Variants in COL21A1 observed in about 807,000 individuals in gnomAD.
COL21A1 encodes the protein collagen alpha-1(XXI) chain.
In COL21A1, 149 loss-of-function variants were observed where a neutral mutation model predicts 137.9. The ratio of observed to expected loss-of-function variants is 1.08; its 90% confidence interval spans 0.95 to 1.24. The LOEUF is 1.24. COL21A1 is among the 50% of genes most tolerant of loss of function. The pLI, the probability that COL21A1 is intolerant of heterozygous loss-of-function variation, is 0.00. For missense variants in COL21A1, 1,167 were observed against 1,158.4 expected, an observed-to-expected ratio of 1.01 and a Z score of -0.11; for synonymous variants, 456 against 391.5, an observed-to-expected ratio of 1.16 and a Z score of -1.95.
intron 9 of COL21A1, among the ~76,000 whole-genome samples, chr6:56,163,535 C>A (rs924109745): frequency 6.6e-6 from 1 of 152,016 alleles, no homozygotes; most frequent in African/African-American, 2.4e-5. Context: ...ACGGTGAAAC[C>A]CCGTCTCTAC....
intron 1 of COL21A1, among the ~76,000 whole-genome samples, chr6:56,311,797 C>T (rs1197675372): frequency 6.6e-6 from 1 of 152,176 alleles, no homozygotes; most frequent in Admixed American, 6.5e-5. Flanking sequence ...GGCAGATATA[C>T]ATGAAACTAC....
chr6:56,106,670 T>A (rs2152178413), intron 16 of COL21A1, among the ~76,000 whole-genome samples: 1 of 152,272 alleles, frequency 6.6e-6, no homozygotes, highest in African/African-American at 2.4e-5. Flanking sequence ...TGGCAGATAA[T>A]ATCCAAAACA....
chr6:56,202,641 C>G (rs909101456), intron 1 of COL21A1, among the ~76,000 whole-genome samples: 3 of 152,166 alleles, frequency 2.0e-5, no homozygotes, highest in African/African-American at 7.2e-5. Context: ...ATCACATCCC[C>G]ATCTAATTTA....
At chr6:56,097,894 AATATATAAATATATAAAT>A (rs1562188470) in intron 17 of COL21A1, among the ~76,000 whole-genome samples, 1 of 88,862 alleles carries the variant, frequency 1.1e-5, no homozygotes, top group Non-Finnish European at 2.1e-5. Context: ...AATATATATA[AATATATAAATATATAAAT>A]ATATATAAAT....
At chr6:56,099,340 T>C (rs1307082156) in intron 17 of COL21A1, among the ~76,000 whole-genome samples, 1 of 150,148 alleles carries the variant, frequency 6.7e-6, no homozygotes, top group African/African-American at 2.5e-5. Flanking sequence ...TTCACACCAT[T>C]CTCCGGCCTC....
chr6:56,189,080 T>G (rs2397206), intron 1 of COL21A1, among the ~76,000 whole-genome samples: 8 of 151,896 alleles, frequency 5.3e-5, no homozygotes, highest in Non-Finnish European at 1.2e-4. Flanking sequence ...ATCACAACTC[T>G]TCTCCAGCAA....
chr6:56,180,846 C>A (rs567883544), intron 2 of COL21A1, among the ~76,000 whole-genome samples: 1 of 152,188 alleles, frequency 6.6e-6, no homozygotes, highest in Non-Finnish European at 1.5e-5. Flanking sequence ...TTCTTTTCTG[C>A]GCATTCTGTT....
rs191617495 is a variant in COL21A1 at position 56,179,751 on chromosome 6, T to A, written c.467A>T (p.Gln156Leu). Residue 156 changes from glutamine to leucine, a missense_variant, in exon 3 of 30, where the codon CAA becomes CTA. Transcript: ENST00000244728. ...TGTTATCTTACTATCTCTTGCTGCT[T>A]GAGCTGCATCCTTGACGTCATCTTG... ...KSQDDVKDAA[Q>L]AARDSKITLF... 38 of 1,613,926 alleles carry A rather than the reference T, an allele frequency of 2.4e-5. No individual in the cohort carries two copies. In the East Asian group the frequency reaches 8.5e-4, roughly 36 times the overall value.
At chr6:56,330,806 G>A (rs572467623) in intron 1 of COL21A1, among the ~76,000 whole-genome samples, 1 of 152,118 alleles carries the variant, frequency 6.6e-6, no homozygotes, top group Non-Finnish European at 1.5e-5. Flanking sequence ...ATTTTTCTTT[G>A]GGTAGATACC....
intron 1 of COL21A1, among the ~76,000 whole-genome samples, chr6:56,273,462 A>G (rs577626705): frequency 6.6e-5 from 10 of 152,210 alleles, no homozygotes; most frequent in Non-Finnish European, 1.5e-4. Flanking sequence ...AGAATAAACA[A>G]AATTGATAGA....
chr6:56,143,960 A>C (rs1774636572), intron 10 of COL21A1, among the ~76,000 whole-genome samples: 1 of 152,192 alleles, frequency 6.6e-6, no homozygotes, highest in Admixed American at 6.5e-5. Context: ...GAAAATGGAA[A>C]CGTTTAGTAA....
intron 12 of COL21A1, among the ~76,000 whole-genome samples, chr6:56,131,069 G>C (rs980429122): frequency 2.6e-5 from 4 of 152,050 alleles, no homozygotes; most frequent in African/African-American, 4.8e-5. Flanking sequence ...TGGAATATTA[G>C]AAATAGGAGG....
At chr6:56,281,959 T>G (rs1206079804) in intron 1 of COL21A1, among the ~76,000 whole-genome samples, 3 of 152,102 alleles carry the variant, frequency 2.0e-5, no homozygotes, top group Non-Finnish European at 2.9e-5. Context: ...CTTAGGAAAT[T>G]TTTGTCAATA....
At chr6:56,381,672 A>G (rs2094008900) in intron 1 of COL21A1, among the ~76,000 whole-genome samples, 1 of 152,218 alleles carries the variant, frequency 6.6e-6, no homozygotes, top group Non-Finnish European at 1.5e-5. Context: ...TTTAACAATT[A>G]TATAAAACTT....
At chr6:56,311,390 T>G (rs560289534) in intron 1 of COL21A1, among the ~76,000 whole-genome samples, 2 of 152,232 alleles carry the variant, frequency 1.3e-5, no homozygotes, top group Non-Finnish European at 2.9e-5. Context: ...ATTATTGTAA[T>G]GTGTGCTCCA....
intron 9 of COL21A1, among the ~76,000 whole-genome samples, chr6:56,159,334 A>AC: frequency 7.3e-6 from 1 of 137,148 alleles, no homozygotes; most frequent in South Asian, 2.3e-4. Context: ...TCTGAATTAC[A>AC]TTTTTTTTTT....
chr6:56,314,131 C>T (rs187877675), intron 1 of COL21A1, among the ~76,000 whole-genome samples: 6 of 152,134 alleles, frequency 3.9e-5, no homozygotes, highest in Admixed American at 6.5e-5. Flanking sequence ...ACTACAGGCA[C>T]GCACCACCAC....
intron 1 of COL21A1, among the ~76,000 whole-genome samples, chr6:56,278,658 C>T (rs1358768489): frequency 6.6e-6 from 1 of 152,154 alleles, no homozygotes; most frequent in Non-Finnish European, 1.5e-5. Flanking sequence ...TCACTGATCT[C>T]TAGAACAACT....
intron 10 of COL21A1, among the ~76,000 whole-genome samples, chr6:56,144,358 T>A (rs1011718796): frequency 6.6e-6 from 1 of 152,174 alleles, no homozygotes; most frequent in Admixed American, 6.5e-5. Context: ...CTCAACTGAT[T>A]CAAAGAAATC....
Sources: gnomAD v4.1 joint callset for allele counts (sites outside exome capture counted in the v4.1 genomes callset) on GRCh38, gnomAD v4.1.1 for gene constraint, MANE v1.5 for transcripts, NCBI Gene and HGNC (gene_info 2026-07-23, HGNC 2026-07-21) for gene names.